LHX8: variants seen among roughly 807,000 people sequenced by gnomAD.
LHX8 encodes the protein LIM/homeobox protein Lhx8.
In LHX8, 12 loss-of-function variants were observed where a neutral mutation model predicts 40.3. The observed-to-expected ratio is 0.30, with a 90% CI of 0.19 to 0.48. The LOEUF (loss-of-function observed/expected upper bound fraction) is 0.48, where lower values mean the gene tolerates loss of function less well. Ranked by LOEUF, LHX8 falls within the 20% of genes least tolerant of loss-of-function variation. LHX8 has a pLI of 0.99. For synonymous variants in LHX8, 179 were observed against 162.0 expected (o/e 1.10, Z -0.80); for missense variants, 344 against 433.7 (o/e 0.79, Z 1.84).
upstream of LHX8, chr1:75,131,027 C>T (rs1647946513): frequency 4.3e-6 from 2 of 468,696 alleles, no homozygotes; most frequent in East Asian, 3.9e-5. Context: ...GCGCTGGAGC[C>T]CTGGAGGTGG....
chr1:75,174,785 G>A, the LHX8 span, among the ~76,000 whole-genome samples: 1 of 151,620 alleles, frequency 6.6e-6, no homozygotes, highest in African/African-American at 2.4e-5. Context: ...ACAATTCCTG[G>A]TTTTCTTTTT....
chr1:75,158,050 A>G (rs1423693683), intron 8 of LHX8, among the ~76,000 whole-genome samples: 1 of 152,198 alleles, frequency 6.6e-6, no homozygotes, highest in Non-Finnish European at 1.5e-5. Context: ...GGTGCTTCAC[A>G]TCCTCACCAA....
At chr1:75,148,512 T>C (rs902144739) in intron 6 of LHX8, 75 bp from the exon 7 acceptor site, 4 of 1,013,686 alleles carry the variant, frequency 3.9e-6, no homozygotes, top group Non-Finnish European at 6.3e-6. Context: ...GTCTTACCTC[T>C]TATGATAAAA....
intron 1 of LHX8, among the ~76,000 whole-genome samples, 157 bp from the exon 2 acceptor site, chr1:75,136,432 GCGCGCCAGCCCGCC>G (rs1402803299): frequency 6.6e-6 from 1 of 151,660 alleles, no homozygotes; most frequent in Non-Finnish European, 1.5e-5. Flanking sequence ...GAAGGAGGCT[GCGCGCCAGCCCGCC>G]CGCGGCGCCC....
upstream of LHX8, chr1:75,130,126 T>C (rs563045145): frequency 1.3e-5 from 2 of 159,560 alleles, no homozygotes; most frequent in South Asian, 3.5e-4. Flanking sequence ...TGATGGACTT[T>C]AGCGTTTCGC....
the LHX8 span, among the ~76,000 whole-genome samples, chr1:75,198,543 C>T: frequency 6.6e-6 from 1 of 152,106 alleles, no homozygotes; most frequent in Non-Finnish European, 1.5e-5. Flanking sequence ...TAACACCTTG[C>T]CTGTGGTCGC....
At chr1:75,130,630 T>A (rs1397175764), upstream of LHX8, 1 of 1,237,458 alleles carries the variant, frequency 8.1e-7, no homozygotes, top group African/African-American at 1.5e-5. Context: ...CCTCAGAAAC[T>A]GTGGGTAGCA....
upstream of LHX8, among the ~76,000 whole-genome samples, chr1:75,133,778 G>A (rs1648036190): frequency 6.6e-6 from 1 of 152,188 alleles, no homozygotes; most frequent in Admixed American, 6.5e-5. Context: ...TTTTGTCTAG[G>A]AGATGAAAGA....
At chr1:75,134,304 C>G (rs185372382), upstream of LHX8, among the ~76,000 whole-genome samples, 2 of 152,114 alleles carry the variant, frequency 1.3e-5, no homozygotes, top group East Asian at 3.9e-4. Context: ...CCCCCACACG[C>G]CCCCTTCCTT....
the LHX8 span, among the ~76,000 whole-genome samples, chr1:75,192,689 T>C: frequency 8.3e-6 from 1 of 119,822 alleles, no homozygotes; most frequent in South Asian, 2.6e-4. Context: ...GGCGCTATGC[T>C]TTTGTTTGTT....
chr1:75,192,028 T>C, the LHX8 span, among the ~76,000 whole-genome samples: 1 of 152,204 alleles, frequency 6.6e-6, no homozygotes, highest in African/African-American at 2.4e-5. Flanking sequence ...TCTCCACCAC[T>C]GATGAGCCCT....
downstream of LHX8, among the ~76,000 whole-genome samples, chr1:75,165,518 C>T (rs1649013533): frequency 2.0e-5 from 3 of 152,012 alleles, no homozygotes; most frequent in South Asian, 6.2e-4. Context: ...TCTGAACTTG[C>T]TAGGGGGCTG....
the LHX8 span, among the ~76,000 whole-genome samples, chr1:75,184,955 A>G: frequency 6.6e-6 from 1 of 152,096 alleles, no homozygotes; most frequent in African/African-American, 2.4e-5. Context: ...AAAAATAACC[A>G]TCAGAAAGTA....
intron 7 of LHX8, among the ~76,000 whole-genome samples, chr1:75,153,403 C>T (rs1388168509): frequency 6.7e-6 from 1 of 150,160 alleles, no homozygotes; most frequent in African/African-American, 2.5e-5. Flanking sequence ...CACGCCTGGC[C>T]TTTTTGTTTT....
At chr1:75,185,720 A>G in the LHX8 span, among the ~76,000 whole-genome samples, 3 of 152,280 alleles carry the variant, frequency 2.0e-5, no homozygotes, top group Admixed American at 2.0e-4. Flanking sequence ...GAAAAAAACA[A>G]AGGGCATTCA....
At chr1:75,146,957 TCAA>T (rs1000340813) in intron 6 of LHX8, among the ~76,000 whole-genome samples, 1 of 152,170 alleles carries the variant, frequency 6.6e-6, no homozygotes, top group African/African-American at 2.4e-5. Flanking sequence ...CCAAATCTGT[TCAA>T]CATTTTTCTA....
At chr1:75,136,791 C>G (rs1296691484) in intron 2 of LHX8, 102 bp downstream of exon 2, 2 of 925,380 alleles carry the variant, frequency 2.2e-6, no homozygotes, top group African/African-American at 3.3e-5. Context: ...CCAGCTGGCC[C>G]CTCCTGCAGC....
the LHX8 span, among the ~76,000 whole-genome samples, chr1:75,178,182 G>A: frequency 3.5e-4 from 53 of 152,174 alleles, no homozygotes; most frequent in African/African-American, 6.0e-4. Flanking sequence ...GTATTATACC[G>A]GCTTCATAAA....
chr1:75,187,954 C>A, the LHX8 span, among the ~76,000 whole-genome samples: 1 of 152,166 alleles, frequency 6.6e-6, no homozygotes, highest in African/African-American at 2.4e-5. Context: ...TCAGCTTAAA[C>A]ACCTGCCAGC....
Sources: allele counts gnomAD v4.1 joint callset (sites outside exome capture counted in the v4.1 genomes callset), GRCh38; gene constraint gnomAD v4.1.1; transcripts MANE v1.5; gene names NCBI Gene and HGNC (gene_info 2026-07-23, HGNC 2026-07-21).